The following RGS21 variants were observed in gnomAD, a reference collection of about 807,000 sequenced individuals.
RGS21 encodes regulator of G protein signaling 21.
Under a neutral mutation model 18.7 loss-of-function variants are expected in RGS21, and 19 were observed. That is an observed-to-expected ratio of 1.01 (90% CI 0.71 to 1.49). The LOEUF (loss-of-function observed/expected upper bound fraction) is 1.49. Among genes scored for constraint, RGS21 ranks in the 40% most tolerant of loss-of-function variants. The pLI is 0.00. For missense variants in RGS21, 194 were observed against 176.8 expected, an observed-to-expected ratio of 1.10 and a Z score of -0.55; for synonymous variants, 56 against 57.8, an observed-to-expected ratio of 0.97 and a Z score of 0.14.
Position 192,354,611 on chromosome 1 carries a change from A to G in RGS21, c.255+2398A>G, listed in dbSNP as rs1335545870. Among the ~76,000 whole-genome samples, 3 of 151,688 alleles carry G rather than the reference A, an allele frequency of 2.0e-5. No homozygotes were observed. The Admixed American group carries it at 2.0e-4, about 10-fold the overall frequency. ...ATATTTGAGATGGTTGGAAAATATG[A>G]TTTGCACAAGTGGAAAATTAAATCA... On this transcript the variant is annotated intron_variant, in intron 4 of 4. Coordinates refer to ENST00000417209, the MANE Select transcript of RGS21 (RefSeq NM_001039152.3).
At chr1:192,326,273 A>C (rs945813009) in intron 1 of RGS21, among the ~76,000 whole-genome samples, 3 of 152,130 alleles carry the variant, frequency 2.0e-5, no homozygotes, top group Non-Finnish European at 4.4e-5. Flanking sequence ...ATTATGATAT[A>C]AACAATGGTG....
intron 1 of RGS21, among the ~76,000 whole-genome samples, chr1:192,335,712 C>T (rs1658757366): frequency 6.6e-6 from 1 of 152,090 alleles, no homozygotes; most frequent in Admixed American, 6.5e-5. Flanking sequence ...ACACCAAAGG[C>T]TTCTAAGAGG....
intron 1 of RGS21, among the ~76,000 whole-genome samples, chr1:192,335,350 G>A (rs966131657): frequency 6.6e-6 from 1 of 152,130 alleles, no homozygotes; most frequent in African/African-American, 2.4e-5. Context: ...TCTCTTTAAA[G>A]CTAGTATGCA....
At chr1:192,344,391 G>A (rs192677409) in intron 2 of RGS21, among the ~76,000 whole-genome samples, 35 of 152,162 alleles carry the variant, frequency 2.3e-4, no homozygotes, top group Admixed American at 1.9e-3. Flanking sequence ...ATTACTGTCT[G>A]TGGAATATTG....
intron 4 of RGS21, among the ~76,000 whole-genome samples, chr1:192,353,028 T>C (rs1004069699): frequency 6.6e-6 from 1 of 152,056 alleles, no homozygotes; most frequent in African/African-American, 2.4e-5. Flanking sequence ...ATTAAACTAC[T>C]AGTACCAAAC....
chr1:192,356,099 T>A (rs1220746049), intron 4 of RGS21, among the ~76,000 whole-genome samples: 1 of 151,806 alleles, frequency 6.6e-6, no homozygotes, highest in Non-Finnish European at 1.5e-5. Context: ...CTGTATCTCA[T>A]AAAACAAAGA....
intron 2 of RGS21, 31 bp downstream of exon 2, chr1:192,343,078 CAG>C: frequency 6.2e-7 from 1 of 1,606,486 alleles, no homozygotes; most frequent in Admixed American, 1.7e-5. Context: ...ATTTTTATCT[CAG>C]AAGATGTACA....
chr1:192,362,305 G>A (rs1277703431), intron 4 of RGS21, among the ~76,000 whole-genome samples: 3 of 152,130 alleles, frequency 2.0e-5, no homozygotes, highest in South Asian at 4.1e-4. Flanking sequence ...GTAAAAAGAG[G>A]TATCAGATAA....
At chr1:192,358,824 TG>T (rs1659144382) in intron 4 of RGS21, among the ~76,000 whole-genome samples, 1 of 152,128 alleles carries the variant, frequency 6.6e-6, no homozygotes, top group African/African-American at 2.4e-5. Flanking sequence ...TTAAGACTGC[TG>T]GTGTAGAGAA....
chr1:192,323,697 C>T (rs17404944), intron 1 of RGS21, among the ~76,000 whole-genome samples: 17,915 of 152,022 alleles, frequency 0.12, 1,329 homozygotes, highest in Non-Finnish European at 0.17. Context: ...TGATAATAAG[C>T]TCAGAAGAAG....
chr1:192,336,891 G>C (rs983526723), intron 1 of RGS21, among the ~76,000 whole-genome samples: 1 of 152,008 alleles, frequency 6.6e-6, no homozygotes, highest in Admixed American at 6.6e-5. Flanking sequence ...TGATTGGCTG[G>C]GTGAGAATTT....
At chr1:192,348,022 A>ATT (rs796305729) in intron 3 of RGS21, among the ~76,000 whole-genome samples, 5 of 141,158 alleles carry the variant, frequency 3.5e-5, no homozygotes, top group African/African-American at 1.3e-4. Context: ...ATATATATGT[A>ATT]TTTTTTTTTT....
chr1:192,325,064 C>A (rs377167381), intron 1 of RGS21, among the ~76,000 whole-genome samples: 1 of 151,916 alleles, frequency 6.6e-6, no homozygotes, highest in African/African-American at 2.4e-5. Context: ...TGTTTTTCAA[C>A]TTTTATTTTA....
intron 4 of RGS21, 99 bp from the exon 5 acceptor site, chr1:192,365,822 T>G (rs988638019): frequency 3.1e-5 from 20 of 649,994 alleles, no homozygotes; most frequent in Non-Finnish European, 1.6e-5. Context: ...TGCATCAGAT[T>G]TGCTTTGTGT....
chr1:192,332,078 T>C (rs1658665750), intron 1 of RGS21, among the ~76,000 whole-genome samples: 1 of 152,064 alleles, frequency 6.6e-6, no homozygotes, highest in African/African-American at 2.4e-5. Context: ...ATAATCTAAC[T>C]GATAAGCTTA....
At position 192,352,185 on chromosome 1, in the gene RGS21, A is replaced by G. The variant is rs758603999; in HGVS notation, c.227A>G (p.Glu76Gly). ...IASKAKMIYS[E>G]FIEADAPKEI... ...TCCAAAGCCAAGATGATTTATTCTG[A>G]ATTCATTGAAGCTGATGCACCTAAA... The change falls in exon 4 of 5, where the codon GAA becomes GGA. Residue 76 changes from glutamate (E) to glycine (G), a missense_variant. Transcript: ENST00000417209. 3 of 1,609,462 alleles carry G rather than the reference A, an allele frequency of 1.9e-6. No homozygotes were observed. Among genetic ancestry groups the G allele is most frequent in the Non-Finnish European group, 2.5e-6 (3 of 1,178,018 alleles).
intron 1 of RGS21, among the ~76,000 whole-genome samples, chr1:192,332,490 T>C (rs746035211): frequency 4.9e-4 from 74 of 152,328 alleles, no homozygotes; most frequent in African/African-American, 1.6e-3. Context: ...GATTTAAATG[T>C]AACTCTAAAA....
intron 3 of RGS21, among the ~76,000 whole-genome samples, chr1:192,348,022 ATT>A (rs796305729): frequency 2.8e-5 from 4 of 141,094 alleles, no homozygotes; most frequent in Admixed American, 7.2e-5. Context: ...ATATATATGT[ATT>A]TTTTTTTTTT....
chr1:192,319,303 T>C (rs1658463453), intron 1 of RGS21, among the ~76,000 whole-genome samples: 1 of 151,936 alleles, frequency 6.6e-6, no homozygotes, highest in Non-Finnish European at 1.5e-5. Flanking sequence ...CCCTTCCAAC[T>C]TTTTTTTATA....
Sources: gnomAD v4.1 joint callset for allele counts (sites outside exome capture counted in the v4.1 genomes callset) on GRCh38, gnomAD v4.1.1 for gene constraint, MANE v1.5 for transcripts, NCBI Gene and HGNC (gene_info 2026-07-23, HGNC 2026-07-21) for gene names.